The following PRAME variants were observed in gnomAD, a reference collection of about 807,000 sequenced individuals.
The protein encoded by PRAME is PRAME nuclear receptor transcriptional regulator.
In PRAME, 21 loss-of-function variants were observed where a neutral mutation model predicts 32.1. The ratio of observed to expected loss-of-function variants is 0.65; its 90% confidence interval spans 0.46 to 0.94. PRAME has a LOEUF of 0.94. Among genes scored for constraint, PRAME ranks in the 40% least tolerant of loss-of-function variants. The pLI is 0.00. For missense variants in PRAME, 651 were observed against 622.3 expected (o/e 1.05, Z -0.49); for synonymous variants, 274 against 251.5 (o/e 1.09, Z -0.85).
At chr22:22,550,404 CAT>C in intron 4 of PRAME, 70 bp from the exon 5 acceptor site, 2 of 1,541,740 alleles carry the variant, frequency 1.3e-6, no homozygotes, top group Non-Finnish European at 1.7e-6. Context: ...CCATGAGTCT[CAT>C]AATGTAGGTA....
At chr22:22,556,763 G>A (rs781132325) in intron 3 of PRAME, 49 bp downstream of exon 3, 3 of 1,609,812 alleles carry the variant, frequency 1.9e-6, no homozygotes, top group South Asian at 2.2e-5. Context: ...AGGACAGAGG[G>A]GAACAGGGCT....
At chr22:22,558,688 C>T (rs1443455697) in intron 1 of PRAME, among the ~76,000 whole-genome samples, 1 of 69,888 alleles carries the variant, frequency 1.4e-5, no homozygotes, top group Non-Finnish European at 3.0e-5. Flanking sequence ...AGTGGGGAGG[C>T]GGGGGGCTGA....
chr22:22,556,956 A>T, intron 2 of PRAME, 47 bp from the exon 3 acceptor site: 1 of 1,256,048 alleles, frequency 8.0e-7, no homozygotes, highest in East Asian at 2.3e-5. Flanking sequence ...TACATGTATA[A>T]TATTTACGAA....
Position 22,559,201 on chromosome 22 carries a change from G to C in PRAME, c.-344C>G, listed in dbSNP as rs920761057. 2 of 289,674 alleles carry C rather than the reference G, an allele frequency of 6.9e-6. No homozygotes were observed. Among genetic ancestry groups the C allele is most frequent in the African/African-American group, 4.7e-5 (2 of 42,298 alleles). The allele number at this position is 289,674 out of a possible 1,614,324, so 17.9% of individuals were successfully genotyped here. On this transcript the variant is annotated 5_prime_UTR_variant, in exon 1 of 6. Coordinates refer to ENST00000405655, the MANE Select transcript of PRAME (RefSeq NM_206956.3). The stretch of plus-strand genomic sequence containing the variant: ...TGTTGACAGGTCACGCCTGGGAAGC[G>C]GGTGGGGTGTCCCGGAGCGGTGCTG...
chr22:22,548,685 G>C, intron 5 of PRAME, 42 bp from the exon 6 acceptor site: 1 of 1,492,796 alleles, frequency 6.7e-7, no homozygotes, highest in Non-Finnish European at 9.1e-7. Context: ...AATGGTGGTA[G>C]TGGGGTGGGG....
At position 22,551,049 on chromosome 22, in the gene PRAME, G is replaced by A. The variant is rs368039675; in HGVS notation, c.62C>T (p.Thr21Ile). 1.1e-5 allele frequency: 17 copies of A among 1,604,502 alleles called. No homozygotes were observed. The highest frequency in any genetic ancestry group is 1.3e-5 in the African/African-American group (1 of 74,674). The change falls in exon 4 of 6, where the codon ACA (threonine) becomes ATA (isoleucine). Residue 21 changes from threonine (T) to isoleucine (I), a missense_variant. Coordinates refer to ENST00000405655, the MANE Select transcript of PRAME (RefSeq NM_206956.3). ...QSRYISMSVW[T>I]SPRRLVELAG... ...CAGCTCCACAAGTCTCCGTGGGCTT[G>A]TCCACACACTCATGCTGATGTATCG...
chr22:22,556,724 G>A (rs2062947727), intron 3 of PRAME, 88 bp downstream of exon 3: 11 of 1,497,682 alleles, frequency 7.3e-6, no homozygotes, highest in Middle Eastern at 3.7e-4. Context: ...GGGACCTCAG[G>A]ATGCAGCTCC....
chr22:22,548,474 T>C lies in PRAME; in HGVS notation c.1123A>G (p.Arg375Gly), dbSNP rs370135401. ...SPEPLQALLERASATLQDLVF... is the reference protein window; with the variant it reads ...SPEPLQALLEGASATLQDLVF... ...AGGTCCTGGAGGGTGGCAGAGGCTCTCTCCAGCAGAGCTTGGAGGGGCTCG... is the reference window on the plus strand; with the variant it reads ...AGGTCCTGGAGGGTGGCAGAGGCTCCCTCCAGCAGAGCTTGGAGGGGCTCG... The change falls in exon 6 of 6, where the codon AGA becomes GGA. Residue 375 changes from arginine to glycine, a missense_variant. By Grantham distance (125) the Arg-to-Gly change is moderately radical. Coordinates refer to ENST00000405655, the MANE Select transcript of PRAME (RefSeq NM_206956.3). The C allele has an allele frequency of 8.1e-6, 13 of 1,613,590 alleles. No homozygotes were observed. In the African/African-American group the frequency reaches 1.7e-4, roughly 22 times the overall value.
Position 22,550,843 on chromosome 22 carries a change from G to A in PRAME, c.268C>T (p.Gln90Ter). Residue 90 changes from glutamine to a stop codon, truncating the protein, a stop_gained, in exon 4 of 6, where the codon CAA becomes TAA. Coordinates refer to ENST00000405655, the MANE Select transcript of PRAME (RefSeq NM_206956.3). LOFTEE classifies it high-confidence loss of function. Reference protein sequence around the residue: ...CLPLGVLMKGQHLHLETFKAV... With the variant: ...CLPLGVLMKG ...TTGAAGGTCTCCAGGTGAAGATGTTGTCCCTTCATCAGCACTCCCAGAGGG... is the reference window on the plus strand; with the variant it reads ...TTGAAGGTCTCCAGGTGAAGATGTTATCCCTTCATCAGCACTCCCAGAGGG... 6.2e-7 allele frequency: 1 copy of A among 1,613,298 alleles called. No individual in the cohort carries two copies. The highest frequency in any genetic ancestry group is 8.5e-7 in the Non-Finnish European group (1 of 1,179,566).
intron 4 of PRAME, among the ~76,000 whole-genome samples, 159 bp from the exon 5 acceptor site, chr22:22,550,493 G>C (rs2062502119): frequency 6.6e-6 from 1 of 151,928 alleles, no homozygotes; most frequent in African/African-American, 2.4e-5. Flanking sequence ...TTTCCCACTA[G>C]GATCCTGGGA....
At chr22:22,556,482 C>T (rs2062926104) in intron 3 of PRAME, among the ~76,000 whole-genome samples, 7 of 148,540 alleles carry the variant, frequency 4.7e-5, no homozygotes, top group Admixed American at 2.8e-4. Context: ...GGCTAACTTT[C>T]TGTACTTTTA....
chr22:22,557,755 A>AG (rs1485086520), intron 1 of PRAME, 175 bp from the exon 2 acceptor site: 13 of 12,822 alleles, frequency 1.0e-3, no homozygotes, highest in African/African-American at 4.6e-3. Context: ...GAGAGTCGAG[A>AG]GGGGCTTGTT....
In PRAME at chr22:22,548,240, CATGG is replaced by C; in HGVS notation, c.1353_1356del (p.Ile451MetfsTer74). 1.2e-6 allele frequency: 2 copies of C among 1,613,826 alleles called. No individual in the cohort carries two copies. Among genetic ancestry groups the C allele is most frequent in the Non-Finnish European group, 1.7e-6 (2 of 1,179,962 alleles). On this transcript the variant is annotated frameshift_variant, in exon 6 of 6. Coordinates refer to ENST00000405655, the MANE Select transcript of PRAME (RefSeq NM_206956.3). LOFTEE classifies it low-confidence loss of function (END_TRUNC). ...GCAAGCCTCTCCAGGTGGAGGGTAC[CATGG>C]ATGTCCTCATAACTCTCCAGGGGGA...
Position 22,556,881 on chromosome 22 carries a change from AG to A in PRAME, c.-50del. 1 of 1,611,096 alleles carries A rather than the reference AG, an allele frequency of 6.2e-7. No homozygotes were observed. Among genetic ancestry groups the A allele is most frequent in the Non-Finnish European group, 8.5e-7 (1 of 1,178,432 alleles). ...CAGGACCTCCAACGCTTGGATTTCT[AG>A]GTCTCAGTCACTTGTTGCCACGCAC... On this transcript the variant is annotated 5_prime_UTR_variant, in exon 3 of 6. Coordinates refer to ENST00000405655, the MANE Select transcript of PRAME (RefSeq NM_206956.3).
intron 3 of PRAME, among the ~76,000 whole-genome samples, chr22:22,551,681 C>T (rs1448347738): frequency 1.3e-5 from 2 of 151,414 alleles, no homozygotes; most frequent in Admixed American, 6.6e-5. Flanking sequence ...GTCTCTTTTA[C>T]GTATATTAAG....
intron 3 of PRAME, chr22:22,555,927 G>C (rs1490903309): frequency 2.1e-6 from 1 of 469,982 alleles, no homozygotes; most frequent in Admixed American, 2.4e-5. Context: ...TTTTGCGTCT[G>C]ATTACCCCGG....
chr22:22,554,190 T>A (rs1320411729), intron 3 of PRAME: 8 of 985,070 alleles, frequency 8.1e-6, no homozygotes, highest in Admixed American at 6.2e-5. Context: ...TTTGAAGTTT[T>A]GGAACCTCTC....
At chr22:22,554,183 G>T in intron 3 of PRAME, 1 of 985,144 alleles carries the variant, frequency 1.0e-6, no homozygotes, top group Non-Finnish European at 1.2e-6. Flanking sequence ...TGGTGCTTTT[G>T]AAGTTTTGGA....
chr22:22,551,946 C>T (rs1331574151), intron 3 of PRAME, among the ~76,000 whole-genome samples: 3 of 151,090 alleles, frequency 2.0e-5, no homozygotes, highest in African/African-American at 7.3e-5. Context: ...GTATACAATA[C>T]ATTATTAACT....
Sources: gnomAD v4.1 joint callset for allele counts (sites outside exome capture counted in the v4.1 genomes callset) on GRCh38, gnomAD v4.1.1 for gene constraint, MANE v1.5 for transcripts, NCBI Gene and HGNC (gene_info 2026-07-23, HGNC 2026-07-21) for gene names.